The following LAMA2 variants were observed in gnomAD, a reference collection of about 807,000 sequenced individuals.
The protein encoded by LAMA2 is laminin subunit alpha-2.
Under a neutral mutation model 364.8 loss-of-function variants are expected in LAMA2, and 269 were observed. That is an observed-to-expected ratio of 0.74 (90% CI 0.67 to 0.82). The LOEUF (loss-of-function observed/expected upper bound fraction) is 0.82, where lower values mean the gene tolerates loss of function less well. Among genes scored for constraint, LAMA2 ranks in the 40% least tolerant of loss-of-function variants. The pLI is 0.00. For missense variants in LAMA2, 3,807 were observed against 3,873.2 expected (o/e 0.98, Z 0.45); for synonymous variants, 1,379 against 1,370.6 (o/e 1.01, Z -0.14).
chr6:129,107,722 G>A (rs545723599), intron 4 of LAMA2, among the ~76,000 whole-genome samples: 17 of 152,188 alleles, frequency 1.1e-4, no homozygotes, highest in South Asian at 6.2e-4. Context: ...AATACTTGTC[G>A]CATTTTACAG....
At chr6:129,176,598 T>A (rs1021716051) in intron 9 of LAMA2, among the ~76,000 whole-genome samples, 1 of 152,160 alleles carries the variant, frequency 6.6e-6, no homozygotes, top group African/African-American at 2.4e-5. Flanking sequence ...AATTAGTGCT[T>A]ATTTGAAGCA....
chr6:129,316,043 A>T lies in LAMA2; in HGVS notation c.3930A>T (p.Glu1310Asp). 6.2e-7 allele frequency: 1 copy of T among 1,614,132 alleles called. No individual in the cohort carries two copies. The highest frequency in any genetic ancestry group is 8.5e-7 in the Non-Finnish European group (1 of 1,179,986). ...ATTTCTCTTCTTGTTAACAGAAAGA[A>T]TGGAAATATTATGGGGATGATCCTC... Reference protein sequence around the residue: ...TRHEIEMTEKEWKYYGDDPRV... With the variant: ...TRHEIEMTEKDWKYYGDDPRV... The change falls in exon 27 of 65, where the codon GAA becomes GAT. Residue 1310 changes from glutamate to aspartate, a missense_variant. By Grantham distance (45) the Glu-to-Asp change is conservative. Transcript: ENST00000421865.
At chr6:129,160,491 C>T (rs1192458206) in intron 8 of LAMA2, among the ~76,000 whole-genome samples, 4 of 151,860 alleles carry the variant, frequency 2.6e-5, no homozygotes, top group Non-Finnish European at 4.4e-5. Flanking sequence ...TTATTGATCA[C>T]TTATGTTAGG....
At chr6:129,004,567 A>G (rs979821075) in intron 1 of LAMA2, among the ~76,000 whole-genome samples, 3 of 152,270 alleles carry the variant, frequency 2.0e-5, no homozygotes, top group Non-Finnish European at 4.4e-5. Flanking sequence ...TGTTCTGTGG[A>G]CTGCTAAATG....
chr6:129,134,430 G>A (rs1316433057), intron 4 of LAMA2, among the ~76,000 whole-genome samples: 3 of 152,136 alleles, frequency 2.0e-5, no homozygotes, highest in African/African-American at 7.2e-5. Flanking sequence ...TTATTAAGAT[G>A]TTAGTAAGAC....
chr6:128,954,717 T>C (rs1254019071), intron 1 of LAMA2, among the ~76,000 whole-genome samples: 1 of 151,960 alleles, frequency 6.6e-6, no homozygotes, highest in Admixed American at 6.6e-5. Context: ...ATAATACATT[T>C]GGGTGAAAAA....
At chr6:129,440,675 C>A (rs1033967020) in intron 42 of LAMA2, 141 bp from the exon 43 acceptor site, 5 of 781,686 alleles carry the variant, frequency 6.4e-6, no homozygotes, top group Non-Finnish European at 8.9e-6. Flanking sequence ...ATTTGCTACA[C>A]CTGAATGAGA....
Position 129,456,483 on chromosome 6 carries a change from G to A in LAMA2, c.6856G>A (p.Gly2286Arg), listed in dbSNP as rs1554300300. ...NAMLFVGGLTGKLKKADAVRV... is the reference protein window; with the variant it reads ...NAMLFVGGLTRKLKKADAVRV... Reference sequence around the variant, plus strand: ...AATGCTGTTTGTTGGTGGCCTGACTGGGAAATTAAAGGTAATGTGTTCATC... The same window carrying A: ...AATGCTGTTTGTTGGTGGCCTGACTAGGAAATTAAAGGTAATGTGTTCATC... The change falls in exon 48 of 65, where the codon GGG (glycine) becomes AGG (arginine). Residue 2286 changes from glycine (G) to arginine (R), a missense_variant. Physicochemically the swap from Gly to Arg is moderately radical, Grantham distance 125. This residue lies in a region of LAMA2 where 3,333 missense variants were observed against 3,345.7 expected (regional missense o/e 1.00). Coordinates refer to ENST00000421865, the MANE Select transcript of LAMA2 (RefSeq NM_000426.4). 6.2e-7 allele frequency: 1 copy of A among 1,613,294 alleles called. No individual in the cohort carries two copies. Among genetic ancestry groups the A allele is most frequent in the Non-Finnish European group, 8.5e-7 (1 of 1,179,414 alleles).
rs1478579378 is a variant in LAMA2 at position 129,205,491 on chromosome 6, TATAC to T, written c.1782+12640_1782+12643del. On this transcript the variant is annotated intron_variant, in intron 12 of 64. Coordinates refer to ENST00000421865, the MANE Select transcript of LAMA2 (RefSeq NM_000426.4). ...TTTATTCTGTAAGTATATATATATA[TATAC>T]ACACACACACACACACACACACACA... Among the ~76,000 whole-genome samples the T allele has an allele frequency of 6.4e-3, 783 of 123,052 alleles. 9 individuals are homozygous for T. The highest frequency in any genetic ancestry group is 1.0e-2 in the Non-Finnish European group (577 of 57,726). The allele number at this position is 123,052 out of a possible 152,430, so 80.7% of individuals were successfully genotyped here.
At chr6:128,961,978 CA>C (rs1287367593) in intron 1 of LAMA2, among the ~76,000 whole-genome samples, 3 of 150,996 alleles carry the variant, frequency 2.0e-5, no homozygotes, top group African/African-American at 4.9e-5. Context: ...TGGGGATCAG[CA>C]GCTCAAATAA....
At chr6:128,933,219 T>C (rs1779593485) in intron 1 of LAMA2, among the ~76,000 whole-genome samples, 1 of 148,268 alleles carries the variant, frequency 6.7e-6, no homozygotes, top group Non-Finnish European at 1.5e-5. Context: ...TCTCCCTCTC[T>C]CCCTCTCTTT....
chr6:128,938,847 A>G (rs192620254), intron 1 of LAMA2, among the ~76,000 whole-genome samples: 1 of 152,106 alleles, frequency 6.6e-6, no homozygotes, highest in Non-Finnish European at 1.5e-5. Context: ...CTCCATGTTG[A>G]TAGTCTTAAT....
Position 129,465,327 on chromosome 6 carries a change from T to G in LAMA2, c.7300+38T>G, listed in dbSNP as rs140646349. 484 of 1,539,862 alleles carry G rather than the reference T, an allele frequency of 3.1e-4. 2 individuals carry two copies. The African/African-American group carries it at 5.7e-3, about 18-fold the overall frequency. ...AGTAATAATGCAATATAGGCCTTAA[T>G]CATGAAATCCAAAGTGCACATGTAC... On this transcript the variant is annotated intron_variant, in intron 51 of 64. Transcript: ENST00000421865.
intron 62 of LAMA2, among the ~76,000 whole-genome samples, chr6:129,509,009 C>T (rs1786345493): frequency 6.6e-6 from 1 of 152,142 alleles, no homozygotes; most frequent in Non-Finnish European, 1.5e-5. Flanking sequence ...TCCTCGTCAG[C>T]ATTTGTTATT....
chr6:128,932,891 A>T (rs1376602976), intron 1 of LAMA2, among the ~76,000 whole-genome samples: 1 of 152,176 alleles, frequency 6.6e-6, no homozygotes, highest in Admixed American at 6.5e-5. Context: ...TTCCAAATAA[A>T]CAGTACAATA....
At chr6:129,214,777 C>G (rs1783321154) in intron 12 of LAMA2, among the ~76,000 whole-genome samples, 2 of 152,062 alleles carry the variant, frequency 1.3e-5, no homozygotes, top group Admixed American at 6.6e-5. Flanking sequence ...CTTTCCTCTC[C>G]ATATAAATTT....
chr6:129,018,375 TAACTC>T (rs1271711608), intron 1 of LAMA2, among the ~76,000 whole-genome samples: 2 of 151,946 alleles, frequency 1.3e-5, no homozygotes, highest in Non-Finnish European at 2.9e-5. Context: ...TCAGAAATGT[TAACTC>T]AGGTCTTAAA....
chr6:128,948,351 C>T (rs568324660), intron 1 of LAMA2, among the ~76,000 whole-genome samples: 1 of 152,118 alleles, frequency 6.6e-6, no homozygotes, highest in Non-Finnish European at 1.5e-5. Flanking sequence ...GGCTTAGTCA[C>T]TTCCCAGTTT....
chr6:129,516,167 C>A, intron 64 of LAMA2, 23 bp from the exon 65 acceptor site: 2 of 1,613,606 alleles, frequency 1.2e-6, no homozygotes, highest in Non-Finnish European at 1.7e-6. Flanking sequence ...CAAAGCTGAG[C>A]CCTCTTGCAT....
Sources: allele counts gnomAD v4.1 joint callset (sites outside exome capture counted in the v4.1 genomes callset), GRCh38; gene constraint gnomAD v4.1.1; regional missense constraint gnomAD v4.1.1; transcripts MANE v1.5; gene names NCBI Gene and HGNC (gene_info 2026-07-23, HGNC 2026-07-21).